Variants in DAPK1 observed in about 807,000 individuals in gnomAD.
DAPK1 encodes death associated protein kinase 1.
DAPK1 carries 56 observed loss-of-function variants against 144.9 expected under a neutral mutation model. That is an observed-to-expected ratio of 0.39 (90% confidence interval 0.31 to 0.48). The LOEUF (loss-of-function observed/expected upper bound fraction) is 0.48. DAPK1 is among the 20% of genes least tolerant of loss of function. DAPK1 has a pLI of 0.95. For missense variants in DAPK1, 1,454 were observed against 1,875.4 expected (o/e 0.78, Z 4.15); for synonymous variants, 690 against 749.0 (o/e 0.92, Z 1.29).
chr9:87,642,294 A>G (rs1830124557), intron 10 of DAPK1, among the ~76,000 whole-genome samples: 1 of 152,248 alleles, frequency 6.6e-6, no homozygotes, highest in East Asian at 1.9e-4. Flanking sequence ...CATCAAAACT[A>G]TTCTCAGTGC....
rs763628679 is a variant in DAPK1, at chr9:87,703,094, C to A, written c.2937C>A (p.Leu979=). Residue 979 remains leucine (L), a synonymous_variant, in exon 25 of 26, where the codon CTC becomes CTA. Coordinates refer to ENST00000408954, the MANE Select transcript of DAPK1 (RefSeq NM_004938.4). ...CCACGCTGCCTTCCTGGAGGAAGCT[C>A]AATGGACCCAACCAGCTGATGTCGC... ...IISTLPSWRK[L]NGPNQLMSLQ... The A allele has an allele frequency of 1.3e-6, 2 of 1,598,922 alleles. No individual in the cohort carries two copies. The highest frequency in any genetic ancestry group is 3.3e-5 in the Admixed American group (2 of 60,024).
chr9:87,589,790 A>G (rs898140822), intron 2 of DAPK1, among the ~76,000 whole-genome samples: 3 of 152,192 alleles, frequency 2.0e-5, no homozygotes, highest in African/African-American at 7.2e-5. Context: ...TGACATATTG[A>G]ATGAAGTATC....
intron 2 of DAPK1, among the ~76,000 whole-genome samples, chr9:87,586,527 G>A (rs185135533): frequency 3.3e-5 from 5 of 152,180 alleles, no homozygotes; most frequent in Admixed American, 6.5e-5. Context: ...TACTTCCTGT[G>A]ATAAAACACT....
At chr9:87,687,122 A>G (rs1015119396) in intron 21 of DAPK1, among the ~76,000 whole-genome samples, 3 of 152,320 alleles carry the variant, frequency 2.0e-5, no homozygotes, top group African/African-American at 4.8e-5. Context: ...TATCATTTCT[A>G]TGTGTTGGGA....
At chr9:87,675,848 TACACACACACACACACACACAC>T (rs763359644) in intron 19 of DAPK1, among the ~76,000 whole-genome samples, 196 of 117,346 alleles carry the variant, frequency 1.7e-3, no homozygotes, top group Admixed American at 5.1e-3. Context: ...CATTCTACCC[TACACACACACACACACACACAC>T]ACACACACAC....
At chr9:87,518,704 G>A (rs545998355) in intron 2 of DAPK1, among the ~76,000 whole-genome samples, 5 of 152,208 alleles carry the variant, frequency 3.3e-5, no homozygotes, top group Admixed American at 2.6e-4. Context: ...TTATTTCTCT[G>A]TATCTGTGGA....
At chr9:87,575,535 C>G (rs558300500) in intron 2 of DAPK1, among the ~76,000 whole-genome samples, 218 of 152,216 alleles carry the variant, frequency 1.4e-3, no homozygotes, top group Non-Finnish European at 2.8e-3. Context: ...AAACAAAGCC[C>G]TGAGCTGGAA....
chr9:87,550,138 A>G (rs1587709044), intron 2 of DAPK1, among the ~76,000 whole-genome samples: 1 of 152,332 alleles, frequency 6.6e-6, no homozygotes, highest in Middle Eastern at 3.4e-3. Flanking sequence ...ATCACAAAAC[A>G]TTAACCGTCA....
At chr9:87,540,673 C>G (rs574734291) in intron 2 of DAPK1, among the ~76,000 whole-genome samples, 1 of 152,168 alleles carries the variant, frequency 6.6e-6, no homozygotes, top group African/African-American at 2.4e-5. Flanking sequence ...TTCCTGAAAG[C>G]TGTGAAATCA....
intron 2 of DAPK1, among the ~76,000 whole-genome samples, chr9:87,543,213 A>G (rs1424266581): frequency 2.0e-5 from 3 of 152,246 alleles, no homozygotes; most frequent in African/African-American, 7.2e-5. Flanking sequence ...CTGCTTAAGA[A>G]TGTCTAAAAC....
intron 3 of DAPK1, among the ~76,000 whole-genome samples, chr9:87,606,464 T>C (rs1257514871): frequency 1.5e-5 from 2 of 131,376 alleles, no homozygotes; most frequent in African/African-American, 2.9e-5. Context: ...TTCCTTCCTC[T>C]CTCTCTTTCC....
At position 87,627,730 on chromosome 9, in the gene DAPK1, T is replaced by C. The variant is rs527833219; in HGVS notation, c.285-10213T>C. 3.9e-5 allele frequency among the ~76,000 whole-genome samples: 6 copies of C among 152,318 alleles called. No homozygotes were observed. The South Asian group carries it at 1.0e-3, about 26-fold the overall frequency. On this transcript the variant is annotated intron_variant, in intron 3 of 25. Transcript: ENST00000408954. The stretch of plus-strand genomic sequence containing the variant: ...AACCACAGGAGTGTGGGCCTTATTC[T>C]GTCATTAGCATGAGGTCCACATCAG...
chr9:87,505,641 C>T (rs1338093715), intron 2 of DAPK1, among the ~76,000 whole-genome samples: 1 of 152,086 alleles, frequency 6.6e-6, no homozygotes, highest in Non-Finnish European at 1.5e-5. Context: ...GTGAGTCACC[C>T]TCCTCGGCCT....
chr9:87,609,142 A>G lies in DAPK1; in HGVS notation c.284+3967A>G, dbSNP rs912965064. On this transcript the variant is annotated intron_variant, in intron 3 of 25. Coordinates refer to ENST00000408954, the MANE Select transcript of DAPK1 (RefSeq NM_004938.4). The stretch of plus-strand genomic sequence containing the variant: ...GCCTAACGTGGCTTTGAACTGGGAC[A>G]CCGGCTTTTCCTTGCCTTTGGACTT... Among the ~76,000 whole-genome samples, 3 of 152,182 alleles carry G rather than the reference A, an allele frequency of 2.0e-5. No individual in the cohort carries two copies. In the East Asian group the frequency reaches 5.8e-4, roughly 29 times the overall value.
chr9:87,640,173 A>G, intron 7 of DAPK1, 125 bp from the exon 8 acceptor site: 1 of 985,262 alleles, frequency 1.0e-6, no homozygotes, highest in Non-Finnish European at 1.5e-6. Flanking sequence ...TATGAAATAT[A>G]ATCAAACTGT....
chr9:87,656,467 A>G (rs988563137), intron 17 of DAPK1, among the ~76,000 whole-genome samples: 2 of 152,156 alleles, frequency 1.3e-5, no homozygotes, highest in Non-Finnish European at 2.9e-5. Context: ...TCTCCCTTAC[A>G]TTGCATCTTC....
At chr9:87,644,626 C>T (rs1021134877) in intron 11 of DAPK1, among the ~76,000 whole-genome samples, 3 of 151,924 alleles carry the variant, frequency 2.0e-5, no homozygotes, top group Non-Finnish European at 2.9e-5. Flanking sequence ...AGGGTGGCTG[C>T]ACAACCAGTG....
At chr9:87,660,646 C>A (rs770327831) in intron 18 of DAPK1, among the ~76,000 whole-genome samples, 9 of 152,132 alleles carry the variant, frequency 5.9e-5, no homozygotes, top group Middle Eastern at 3.4e-3. Flanking sequence ...CCCCTTCACC[C>A]CTCCAAGTCC....
rs1006743514 is a variant in DAPK1 at position 87,497,910 on chromosome 9, G to C, written c.-306G>C. ...GACAGCCGGACCGAGCCAACGCCGGGGACTTTGTTCCCTCCGCGGAGGGGA... is the reference window on the plus strand; with the variant it reads ...GACAGCCGGACCGAGCCAACGCCGGCGACTTTGTTCCCTCCGCGGAGGGGA... On this transcript the variant is annotated 5_prime_UTR_variant, in exon 1 of 26. Transcript: ENST00000408954. 1.3e-5 allele frequency: 5 copies of C among 395,356 alleles called. No homozygotes were observed. The highest frequency in any genetic ancestry group is 1.0e-4 in the African/African-American group (5 of 48,494). 24.5% of individuals were successfully genotyped at this position (395,356 alleles called of 1,614,324 possible).
Sources: gnomAD v4.1 joint callset for allele counts (sites outside exome capture counted in the v4.1 genomes callset) on GRCh38, gnomAD v4.1.1 for gene constraint, MANE v1.5 for transcripts, NCBI Gene and HGNC (gene_info 2026-07-23, HGNC 2026-07-21) for gene names.